The following ADAMTSL1 variants were observed in gnomAD, a reference collection of about 807,000 sequenced individuals.
The protein encoded by ADAMTSL1 is ADAMTS-like protein 1.
In ADAMTSL1, 126 loss-of-function variants were observed where a neutral mutation model predicts 201.8. The observed-to-expected ratio is 0.62, with a 90% CI of 0.54 to 0.72. The LOEUF is 0.72. Among genes scored for constraint, ADAMTSL1 ranks in the 30% least tolerant of loss-of-function variants. The pLI is 0.00. For missense variants in ADAMTSL1, 2,679 were observed against 2,277.8 expected, an observed-to-expected ratio of 1.18 and a Z score of -3.59; for synonymous variants, 1,121 against 903.4, an observed-to-expected ratio of 1.24 and a Z score of -4.32.
intron 2 of ADAMTSL1, among the ~76,000 whole-genome samples, chr9:18,199,477 G>A (rs899635924): frequency 6.6e-6 from 1 of 151,970 alleles, no homozygotes; most frequent in African/African-American, 2.4e-5. Context: ...ATTTTCACAA[G>A]TAATATAGGG....
intron 2 of ADAMTSL1, among the ~76,000 whole-genome samples, chr9:18,194,878 G>C (rs746148128): frequency 1.4e-4 from 21 of 151,980 alleles, no homozygotes; most frequent in Non-Finnish European, 2.6e-4. Flanking sequence ...ACTATCCTTT[G>C]ATTAAGGTAC....
intron 19 of ADAMTSL1, among the ~76,000 whole-genome samples, chr9:18,790,464 C>T (rs1031115005): frequency 3.3e-5 from 5 of 152,210 alleles, no homozygotes; most frequent in Non-Finnish European, 7.3e-5. Flanking sequence ...ACTCACAGAA[C>T]TTCCAGAGAC....
chr9:17,978,777 T>TA (rs1026339751), intron 1 of ADAMTSL1, among the ~76,000 whole-genome samples: 3 of 152,126 alleles, frequency 2.0e-5, no homozygotes, highest in African/African-American at 7.2e-5. Context: ...TGATTTTTTT[T>TA]ACCATCATAT....
intron 19 of ADAMTSL1, among the ~76,000 whole-genome samples, chr9:18,788,195 A>G (rs1329350511): frequency 3.9e-5 from 6 of 152,216 alleles, no homozygotes; most frequent in Non-Finnish European, 8.8e-5. Flanking sequence ...TTTGTACAAA[A>G]TAAAATTCTC....
At chr9:18,008,864 T>G (rs1182179184) in intron 1 of ADAMTSL1, among the ~76,000 whole-genome samples, 1 of 152,004 alleles carries the variant, frequency 6.6e-6, no homozygotes, top group African/African-American at 2.4e-5. Context: ...CTGATTTACT[T>G]TATCTTGAAC....
At chr9:18,814,946 A>G (rs1486943680) in intron 20 of ADAMTSL1, among the ~76,000 whole-genome samples, 2 of 152,242 alleles carry the variant, frequency 1.3e-5, no homozygotes, top group Non-Finnish European at 2.9e-5. Context: ...GCCAACAGGC[A>G]TATGAAAAAA....
At chr9:18,186,579 A>G (rs1047550306) in intron 2 of ADAMTSL1, among the ~76,000 whole-genome samples, 11 of 152,180 alleles carry the variant, frequency 7.2e-5, no homozygotes, top group African/African-American at 2.2e-4. Flanking sequence ...TCCCTTTGAC[A>G]GAACTGCTTA....
intron 1 of ADAMTSL1, among the ~76,000 whole-genome samples, chr9:18,009,517 T>TTCAG (rs1206316396): frequency 5.3e-5 from 8 of 152,080 alleles, no homozygotes; most frequent in African/African-American, 1.9e-4. Flanking sequence ...TCTTTGCTGT[T>TTCAG]TCAGTGACAA....
At chr9:17,942,284 C>G (rs887689242) in intron 1 of ADAMTSL1, among the ~76,000 whole-genome samples, 3 of 152,096 alleles carry the variant, frequency 2.0e-5, no homozygotes, top group Non-Finnish European at 4.4e-5. Flanking sequence ...GTATAGTTAA[C>G]AAATATTACC....
intron 1 of ADAMTSL1, among the ~76,000 whole-genome samples, chr9:18,099,355 A>ATATATATATATATATATATATATT (rs1239180390): frequency 1.3e-4 from 6 of 45,544 alleles, no homozygotes; most frequent in East Asian, 6.0e-4. Context: ...ATATATATAT[A>ATATATATATATATATATATATATT]TTTTTTTTTT....
At chr9:18,437,015 C>T (rs1819766368) in intron 2 of ADAMTSL1, among the ~76,000 whole-genome samples, 1 of 151,892 alleles carries the variant, frequency 6.6e-6, no homozygotes, top group Non-Finnish European at 1.5e-5. Flanking sequence ...GCCAGGGTGG[C>T]TCAGCCTTGT....
intron 1 of ADAMTSL1, among the ~76,000 whole-genome samples, chr9:18,154,160 G>T (rs1473487098): frequency 2.6e-5 from 4 of 151,988 alleles, no homozygotes; most frequent in Non-Finnish European, 5.9e-5. Flanking sequence ...GCAAACGTGG[G>T]TTATGAAGAT....
At chr9:18,099,360 T>A (rs1031356019) in intron 1 of ADAMTSL1, among the ~76,000 whole-genome samples, 1,512 of 95,296 alleles carry the variant, frequency 0.016, 6 homozygotes, top group Non-Finnish European at 0.019. Context: ...TATATATTTT[T>A]TTTTTTTTTT....
intron 4 of ADAMTSL1, among the ~76,000 whole-genome samples, chr9:18,605,919 T>C (rs779058403): frequency 3.3e-5 from 5 of 152,194 alleles, no homozygotes; most frequent in Non-Finnish European, 5.9e-5. Flanking sequence ...GTGCTACTTG[T>C]GTGAACTGTG....
chr9:18,688,010 C>T (rs1382300688), intron 13 of ADAMTSL1, among the ~76,000 whole-genome samples: 1 of 151,800 alleles, frequency 6.6e-6, no homozygotes, highest in Non-Finnish European at 1.5e-5. Context: ...AAAAATACTT[C>T]TACATGTTGA....
chr9:18,675,991 A>G (rs1587866729), intron 10 of ADAMTSL1, 84 bp downstream of exon 10: 4 of 1,240,266 alleles, frequency 3.2e-6, no homozygotes, highest in Non-Finnish European at 4.7e-6. Flanking sequence ...ATACATATAC[A>G]TAGAGAGAGA....
At chr9:18,908,399 T>A (rs1830429941) in intron 28 of ADAMTSL1, 43 bp from the exon 29 acceptor site, 2 of 1,497,954 alleles carry the variant, frequency 1.3e-6, no homozygotes, top group African/African-American at 1.4e-5. Flanking sequence ...CTGTTTCACA[T>A]CTCTTTTCTG....
chr9:18,290,452 C>G (rs34263413), intron 2 of ADAMTSL1, among the ~76,000 whole-genome samples: 2 of 151,970 alleles, frequency 1.3e-5, no homozygotes, highest in African/African-American at 2.4e-5. Context: ...TGGGGTTGAA[C>G]CATCTTGCAA....
At chr9:18,106,148 G>A (rs1051840978) in intron 1 of ADAMTSL1, among the ~76,000 whole-genome samples, 2 of 152,180 alleles carry the variant, frequency 1.3e-5, no homozygotes, top group South Asian at 4.1e-4. Context: ...TTGAGGGAAA[G>A]GGGAGTCACA....
Sources: gnomAD v4.1 joint callset for allele counts (sites outside exome capture counted in the v4.1 genomes callset) on GRCh38, gnomAD v4.1.1 for gene constraint, MANE v1.5 for transcripts, NCBI Gene and HGNC (gene_info 2026-07-23, HGNC 2026-07-21) for gene names.